KSR1: variants seen among roughly 807,000 people sequenced by gnomAD.
KSR1 encodes kinase suppressor of ras.
Under a neutral mutation model 92.9 loss-of-function variants are expected in KSR1, and 35 were observed. The observed-to-expected ratio is 0.38, with a 90% CI of 0.29 to 0.50. KSR1 has a LOEUF of 0.50. KSR1 is among the 20% of genes least tolerant of loss of function. The pLI, the probability that KSR1 is intolerant of heterozygous loss-of-function variation, is 0.94. For missense variants in KSR1, 972 were observed against 1,158.5 expected (o/e 0.84, Z 2.34); for synonymous variants, 467 against 472.6 (o/e 0.99, Z 0.15).
rs1173742278 is a variant in KSR1, at chr17:27,459,970, G to A, written c.231+3096G>A. Among the ~76,000 whole-genome samples, 5 of 152,184 alleles carry A rather than the reference G, an allele frequency of 3.3e-5. No individual in the cohort carries two copies. The highest frequency in any genetic ancestry group is 3.8e-4 in the East Asian group (2 of 5,196). On this transcript the variant is annotated intron_variant, in intron 1 of 20. Coordinates refer to ENST00000644974, the MANE Select transcript of KSR1 (RefSeq NM_001394583.1). The surrounding 1 kb of genome is among the most constrained non-coding windows in gnomAD (Gnocchi z 4.6). The stretch of plus-strand genomic sequence containing the variant: ...CCTGACTCTTCTCAAACTCACACAC[G>A]TTCCTGGAGATCAGCAGTTTTCATC...
intron 3 of KSR1, chr17:27,579,911 AGT>A (rs2072678803): frequency 2.0e-5 from 3 of 149,292 alleles, no homozygotes; most frequent in South Asian, 4.3e-4. Flanking sequence ...AAAAAAAAAA[AGT>A]GAGTGAAGGA....
At chr17:27,612,792 A>G (rs1277808605) in intron 18 of KSR1, 1 of 152,276 alleles carries the variant, frequency 6.6e-6, no homozygotes. Context: ...CCAGGCTAAG[A>G]TACAAACAGG....
intron 1 of KSR1, among the ~76,000 whole-genome samples, chr17:27,501,149 T>C (rs2069162127): frequency 6.6e-6 from 1 of 152,142 alleles, no homozygotes. Context: ...CATTGTTTCA[T>C]TTAATCCTTA....
chr17:27,532,412 G>C (rs948584013), intron 1 of KSR1, among the ~76,000 whole-genome samples: 12 of 152,356 alleles, frequency 7.9e-5, no homozygotes, highest in African/African-American at 2.6e-4. Flanking sequence ...AGCACTTTCA[G>C]GTACGGGCTG....
At chr17:27,474,005 A>T (rs898054672) in intron 1 of KSR1, among the ~76,000 whole-genome samples, 1 of 152,248 alleles carries the variant, frequency 6.6e-6, no homozygotes, top group African/African-American at 2.4e-5. Context: ...ATACCTGTGT[A>T]CAGCCAGCCA....
intron 12 of KSR1, among the ~76,000 whole-genome samples, chr17:27,604,241 AGC>A (rs2151227176): frequency 6.6e-6 from 1 of 152,270 alleles, no homozygotes; most frequent in Non-Finnish European, 1.5e-5. Context: ...TCTCACCCTC[AGC>A]GCGGTGGTAG....
chr17:27,592,116 T>C (rs951852131), intron 7 of KSR1, among the ~76,000 whole-genome samples: 7 of 152,234 alleles, frequency 4.6e-5, no homozygotes, highest in African/African-American at 1.7e-4. Flanking sequence ...GTGGGCATCA[T>C]GAGACCTGCT....
At chr17:27,535,279 C>T (rs183791381) in intron 1 of KSR1, among the ~76,000 whole-genome samples, 31 of 152,264 alleles carry the variant, frequency 2.0e-4, no homozygotes, top group Middle Eastern at 3.4e-3. Context: ...CTTGCCAGAG[C>T]GCTCCGTAAA....
chr17:27,553,696 TTC>T (rs1447872796), intron 2 of KSR1, among the ~76,000 whole-genome samples: 1 of 152,240 alleles, frequency 6.6e-6, no homozygotes, highest in African/African-American at 2.4e-5. Flanking sequence ...TTCTCAAGAT[TTC>T]TCTTTTTCTT....
intron 1 of KSR1, among the ~76,000 whole-genome samples, chr17:27,550,033 G>C (rs558601728): frequency 2.6e-5 from 4 of 152,076 alleles, no homozygotes; most frequent in African/African-American, 4.8e-5. Flanking sequence ...ACCCCACCCT[G>C]GCAGGAAAGC....
chr17:27,525,991 A>ACTTTTCTTTTCTTTTCTTTTCTTTT (rs138403263), intron 1 of KSR1, among the ~76,000 whole-genome samples: 6,527 of 71,086 alleles, frequency 0.092, 948 homozygotes, highest in Middle Eastern at 0.15. Flanking sequence ...ACTGCAACTA[A>ACTTTTCTTTTCTTTTCTTTTCTTTT]CTTTTCTTTT....
intron 16 of KSR1, 144 bp downstream of exon 16, chr17:27,609,473 G>C (rs959373308): frequency 1.1e-5 from 12 of 1,082,210 alleles, no homozygotes; most frequent in Non-Finnish European, 1.3e-5. Flanking sequence ...TGCCCTCGTA[G>C]TTCTGGTTCA....
At chr17:27,525,583 G>C (rs2070226171) in intron 1 of KSR1, among the ~76,000 whole-genome samples, 1 of 152,206 alleles carries the variant, frequency 6.6e-6, no homozygotes, top group South Asian at 2.1e-4. Context: ...CTTATCTTGA[G>C]TTTCCCAAAG....
intron 6 of KSR1, 148 bp from the exon 7 acceptor site, chr17:27,590,663 G>T: frequency 1.6e-6 from 1 of 639,184 alleles, no homozygotes; most frequent in South Asian, 1.9e-5. Flanking sequence ...TGGCCCGTGG[G>T]TATCTCTGTC....
intron 2 of KSR1, among the ~76,000 whole-genome samples, chr17:27,564,517 C>T (rs1416091153): frequency 6.6e-6 from 1 of 152,192 alleles, no homozygotes; most frequent in Non-Finnish European, 1.5e-5. Context: ...TCAGGTGATG[C>T]CATTAGGATG....
intron 1 of KSR1, among the ~76,000 whole-genome samples, chr17:27,478,926 T>C (rs2068423511): frequency 6.6e-6 from 1 of 151,838 alleles, no homozygotes; most frequent in South Asian, 2.1e-4. Flanking sequence ...CCATCCATGC[T>C]CCTCCCTTCA....
intron 1 of KSR1, among the ~76,000 whole-genome samples, chr17:27,541,580 C>T (rs2070969990): frequency 2.0e-5 from 3 of 152,108 alleles, no homozygotes; most frequent in African/African-American, 7.2e-5. Flanking sequence ...CTTTGGATCG[C>T]AAAAGAGGTA....
chr17:27,521,961 C>A (rs1284824716), intron 1 of KSR1, among the ~76,000 whole-genome samples: 1 of 152,246 alleles, frequency 6.6e-6, no homozygotes, highest in African/African-American at 2.4e-5. Flanking sequence ...TTCTCTTGCA[C>A]ATATTTACCA....
rs146566123 is a variant in KSR1 at position 27,577,820 on chromosome 17, G to A, written c.520+181G>A. Reference sequence around the variant, plus strand: ...CTCTCCCAGGGTCCTCAGGGCTCTGGATCCTGGTGGGTCTGGCCAGGCCGA... The same window carrying A: ...CTCTCCCAGGGTCCTCAGGGCTCTGAATCCTGGTGGGTCTGGCCAGGCCGA... On this transcript the variant is annotated intron_variant, in intron 3 of 20. Coordinates refer to ENST00000644974, the MANE Select transcript of KSR1 (RefSeq NM_001394583.1). The surrounding 1 kb of genome is among the most constrained non-coding windows in gnomAD (Gnocchi z 4.5). The A allele has an allele frequency of 1.4e-6, 1 of 705,508 alleles. No homozygotes were observed. Among genetic ancestry groups the A allele is most frequent in the Non-Finnish European group, 2.6e-6 (1 of 389,048 alleles). 43.7% of individuals were successfully genotyped at this position (705,508 alleles called of 1,614,324 possible).
Sources: allele counts gnomAD v4.1 joint callset (sites outside exome capture counted in the v4.1 genomes callset), GRCh38; gene constraint gnomAD v4.1.1; non-coding constraint Gnocchi (gnomAD v3.1); transcripts MANE v1.5; gene names NCBI Gene and HGNC (gene_info 2026-07-23, HGNC 2026-07-21).